The following LCOR variants were observed in gnomAD, a reference collection of about 807,000 sequenced individuals.
The protein encoded by LCOR is ligand dependent nuclear receptor corepressor, also known as ligand-dependent corepressor.
Under a neutral mutation model 64.4 loss-of-function variants are expected in LCOR, and 14 were observed. The observed-to-expected ratio is 0.22, with a 90% CI of 0.14 to 0.34. The LOEUF (loss-of-function observed/expected upper bound fraction) is 0.34, where lower values mean the gene tolerates loss of function less well. Ranked by LOEUF, LCOR falls within the 10% of genes least tolerant of loss-of-function variation. The pLI, the probability that LCOR is intolerant of heterozygous loss-of-function variation, is 1.00. For missense variants in LCOR, 1,686 were observed against 1,765.3 expected (o/e 0.96, Z 0.80); for synonymous variants, 643 against 642.5 (o/e 1.00, Z -0.01).
chr10:96,963,999 A>G (rs1315459512), intron 7 of LCOR: 1 of 151,990 alleles, frequency 6.6e-6, no homozygotes, highest in Non-Finnish European at 1.5e-5. Flanking sequence ...ATAATTTAAT[A>G]TTTCTCTTGT....
chr10:96,935,937 T>C (rs931058265), intron 4 of LCOR, among the ~76,000 whole-genome samples: 1 of 152,244 alleles, frequency 6.6e-6, no homozygotes, highest in African/African-American at 2.4e-5. Context: ...TCTGTGTGAA[T>C]AGTTAAGAGA....
At chr10:96,881,940 A>G (rs1420684771) in intron 2 of LCOR, among the ~76,000 whole-genome samples, 1 of 152,032 alleles carries the variant, frequency 6.6e-6, no homozygotes, top group Non-Finnish European at 1.5e-5. Context: ...ACATTGATTT[A>G]TTTGTTTTTA....
At chr10:96,840,697 G>A (rs1316391287) in intron 2 of LCOR, among the ~76,000 whole-genome samples, 1 of 152,182 alleles carries the variant, frequency 6.6e-6, no homozygotes, top group East Asian at 1.9e-4. Flanking sequence ...CCTGTCTAAA[G>A]GGACTTTTCT....
intron 2 of LCOR, among the ~76,000 whole-genome samples, chr10:96,851,230 C>CA (rs1207491127): frequency 6.6e-6 from 1 of 152,244 alleles, no homozygotes; most frequent in Non-Finnish European, 1.5e-5. Context: ...TAACTGTTGT[C>CA]ATCCTCCAGC....
Position 96,875,363 on chromosome 10 carries a change from ACT to A in LCOR, c.-329-31899_-329-31898del, listed in dbSNP as rs1846145858. On this transcript the variant is annotated intron_variant, in intron 2 of 7. Transcript: ENST00000421806. ...ACTCCAGCCTGGGCGACAGAGCGAGACTCTGTCTCAAATAAAAAAAAAAATAA... is the reference window on the plus strand; with the variant it reads ...ACTCCAGCCTGGGCGACAGAGCGAGACTGTCTCAAATAAAAAAAAAAATAA... 5.9e-5 allele frequency among the ~76,000 whole-genome samples: 9 copies of A among 151,744 alleles called. No homozygotes were observed. In the South Asian group the frequency reaches 1.5e-3, roughly 25 times the overall value.
chr10:96,858,510 C>G (rs1450933811), intron 2 of LCOR, among the ~76,000 whole-genome samples: 4 of 152,326 alleles, frequency 2.6e-5, no homozygotes, highest in Admixed American at 6.5e-5. Context: ...AACAAACCAA[C>G]CATAAATAAT....
At position 96,833,433 on chromosome 10, in the gene LCOR, G is replaced by A; in HGVS notation, c.-376G>A. ...CCCGTTTCCCTCTGTGCGGCGGCCG[G>A]CGGGACCATAAGGGCTTAACTCATA... On this transcript the variant is annotated 5_prime_UTR_variant, in exon 2 of 8. Transcript: ENST00000421806. The A allele has an allele frequency of 2.5e-5, 25 of 986,090 alleles. No individual in the cohort carries two copies. The highest frequency in any genetic ancestry group is 3.0e-5 in the Non-Finnish European group (25 of 830,128). The allele number at this position is 986,090 out of a possible 1,614,324, so 61.1% of individuals were successfully genotyped here.
chr10:96,938,800 C>T (rs1295681244), intron 4 of LCOR, among the ~76,000 whole-genome samples: 1 of 151,978 alleles, frequency 6.6e-6, no homozygotes, highest in Non-Finnish European at 1.5e-5. Flanking sequence ...AAAAATAATA[C>T]AACACTTAGG....
intron 2 of LCOR, among the ~76,000 whole-genome samples, chr10:96,885,657 A>ATGG (rs1257566070): frequency 1.3e-5 from 2 of 149,858 alleles, no homozygotes; most frequent in Non-Finnish European, 3.0e-5. Flanking sequence ...CTGCCTCCCA[A>ATGG]AGTGCTGAGA....
intron 2 of LCOR, among the ~76,000 whole-genome samples, chr10:96,847,921 T>C (rs973308633): frequency 2.6e-5 from 4 of 152,128 alleles, no homozygotes; most frequent in African/African-American, 7.2e-5. Context: ...TTGCCTTTTT[T>C]CCCCCCTTTT....
At chr10:96,833,102 C>T (rs1845374820) in intron 1 of LCOR, 10 of 985,688 alleles carry the variant, frequency 1.0e-5, no homozygotes, top group Non-Finnish European at 1.1e-5. Flanking sequence ...GGGAGTTAAT[C>T]CTCGACGCAC....
intron 4 of LCOR, among the ~76,000 whole-genome samples, chr10:96,930,492 A>T (rs1847238987): frequency 6.6e-6 from 1 of 152,216 alleles, no homozygotes; most frequent in African/African-American, 2.4e-5. Flanking sequence ...CAGTAGTGGT[A>T]TTTCAGTTTA....
chr10:96,929,547 C>G (rs927400540), intron 4 of LCOR, among the ~76,000 whole-genome samples: 1 of 152,204 alleles, frequency 6.6e-6, no homozygotes, highest in African/African-American at 2.4e-5. Context: ...CTGGTTTGAT[C>G]TTCTATCCAG....
At chr10:96,835,372 A>T (rs973687711) in intron 2 of LCOR, among the ~76,000 whole-genome samples, 2 of 152,196 alleles carry the variant, frequency 1.3e-5, no homozygotes, top group African/African-American at 4.8e-5. Flanking sequence ...AGTTCAGAAG[A>T]TTATAGAGTC....
At chr10:96,876,128 T>C (rs1846160607) in intron 2 of LCOR, among the ~76,000 whole-genome samples, 1 of 152,132 alleles carries the variant, frequency 6.6e-6, no homozygotes. Flanking sequence ...GGGTAATATA[T>C]AAAGAAAAGA....
chr10:96,950,642 TA>T (rs966858454), intron 6 of LCOR, among the ~76,000 whole-genome samples: 1 of 152,088 alleles, frequency 6.6e-6, no homozygotes, highest in Non-Finnish European at 1.5e-5. Flanking sequence ...AGCATGCTCT[TA>T]AAAAGAGGAA....
intron 5 of LCOR, among the ~76,000 whole-genome samples, chr10:96,947,143 A>C (rs1208728066): frequency 6.6e-6 from 1 of 152,130 alleles, no homozygotes; most frequent in African/African-American, 2.4e-5. Flanking sequence ...AACCATTTTC[A>C]GTAACTGTAG....
At chr10:96,885,693 G>A (rs1160570150) in intron 2 of LCOR, among the ~76,000 whole-genome samples, 5 of 150,660 alleles carry the variant, frequency 3.3e-5, no homozygotes, top group South Asian at 4.2e-4. Flanking sequence ...ACCTCACCTG[G>A]CTAAATGTTT....
At chr10:96,958,735 C>CAAAAAA (rs1186457110) in intron 7 of LCOR, 1 of 325,366 alleles carries the variant, frequency 3.1e-6, no homozygotes, top group Non-Finnish European at 5.7e-6. Context: ...ATATTTCCTC[C>CAAAAAA]AAAGGTCTCT....
Sources: gnomAD v4.1 joint callset for allele counts (sites outside exome capture counted in the v4.1 genomes callset) on GRCh38, gnomAD v4.1.1 for gene constraint, MANE v1.5 for transcripts, NCBI Gene and HGNC (gene_info 2026-07-23, HGNC 2026-07-21) for gene names.